Variants in HOMER1 observed in about 807,000 individuals in gnomAD.
The protein encoded by HOMER1 is homer protein homolog 1.
In HOMER1, 3 loss-of-function variants were observed where a neutral mutation model predicts 48.9. The observed-to-expected ratio is 0.06, with a 90% CI of 0.03 to 0.16. The LOEUF (loss-of-function observed/expected upper bound fraction) is 0.16, where lower values mean the gene tolerates loss of function less well. Ranked by LOEUF, HOMER1 falls within the 10% of genes least tolerant of loss-of-function variation. The pLI, the probability that HOMER1 is intolerant of heterozygous loss-of-function variation, is 1.00. For missense variants in HOMER1, 247 were observed against 411.4 expected (o/e 0.60, Z 3.46); for synonymous variants, 134 against 146.4 (o/e 0.92, Z 0.61).
Position 79,397,639 on chromosome 5 carries a change from TA to T in HOMER1, c.685-3del. 1 of 1,550,392 alleles carries T rather than the reference TA, an allele frequency of 6.4e-7. No homozygotes were observed. The highest frequency in any genetic ancestry group is 8.8e-7 in the Non-Finnish European group (1 of 1,130,110). ...ACTAACACATTCAAGTTCAGTCACC[TA>T]AAATTAAATGAGAACACAGATTAAC... On this transcript the variant is annotated splice_polypyrimidine_tract_variant and splice_region_variant and intron_variant, in intron 6 of 8. Transcript: ENST00000334082.
intron 5 of HOMER1, among the ~76,000 whole-genome samples, chr5:79,406,121 A>G (rs111632569): frequency 5.3e-5 from 8 of 152,218 alleles, no homozygotes; most frequent in African/African-American, 1.9e-4. Flanking sequence ...CTAGGTAGTT[A>G]TAACACCACA....
At chr5:79,461,928 G>A (rs1277388893) in intron 1 of HOMER1, among the ~76,000 whole-genome samples, 1 of 152,212 alleles carries the variant, frequency 6.6e-6, no homozygotes, top group Non-Finnish European at 1.5e-5. Flanking sequence ...GCCGGGCGCA[G>A]TGGCTCACGC....
chr5:79,497,662 G>GAAAAA (rs1212983044), intron 1 of HOMER1, among the ~76,000 whole-genome samples: 1 of 73,080 alleles, frequency 1.4e-5, no homozygotes, highest in Non-Finnish European at 2.9e-5. Flanking sequence ...CTGTCTCAAA[G>GAAAAA]AAAAAAAAAA....
intron 5 of HOMER1, among the ~76,000 whole-genome samples, chr5:79,413,200 A>G (rs1300185691): frequency 6.6e-6 from 1 of 151,834 alleles, no homozygotes; most frequent in Non-Finnish European, 1.5e-5. Flanking sequence ...GAGAAAAATA[A>G]GAGAAAGAGT....
intron 1 of HOMER1, among the ~76,000 whole-genome samples, chr5:79,462,819 C>A (rs1751350312): frequency 6.6e-6 from 1 of 152,136 alleles, no homozygotes; most frequent in Non-Finnish European, 1.5e-5. Flanking sequence ...ACCAGTAAAT[C>A]TTCATCCCAA....
At chr5:79,409,159 A>G (rs1246433173) in intron 5 of HOMER1, among the ~76,000 whole-genome samples, 2 of 147,932 alleles carry the variant, frequency 1.4e-5, no homozygotes, top group African/African-American at 5.0e-5. Context: ...ATGACCAGGC[A>G]TGGTGGCTCA....
rs1051788809 is a variant in HOMER1 at position 79,512,978 on chromosome 5, A to C, written c.-204T>G. ...CTCTTGTAAATACCAAAACGTTCAA[A>C]CAGAGGCGGCATTTGCTTATTCGAG... On this transcript the variant is annotated 5_prime_UTR_variant, in exon 1 of 9. Coordinates refer to ENST00000334082, the MANE Select transcript of HOMER1 (RefSeq NM_004272.5). 6.8e-6 allele frequency: 4 copies of C among 584,892 alleles called. No individual in the cohort carries two copies. In the African/African-American group the frequency reaches 7.6e-5, roughly 11 times the overall value. 36.2% of individuals were successfully genotyped at this position (584,892 alleles called of 1,614,324 possible).
intron 5 of HOMER1, among the ~76,000 whole-genome samples, chr5:79,425,596 T>G (rs1015668799): frequency 2.0e-5 from 3 of 152,080 alleles, no homozygotes; most frequent in African/African-American, 7.2e-5. Flanking sequence ...CCTTCCTCGC[T>G]ATGGAACCTA....
At chr5:79,407,838 A>G (rs1749707565) in intron 5 of HOMER1, among the ~76,000 whole-genome samples, 1 of 152,196 alleles carries the variant, frequency 6.6e-6, no homozygotes, top group Non-Finnish European at 1.5e-5. Context: ...CATATTATAC[A>G]TAGAGGAACA....
chr5:79,391,211 C>T (rs1749242210), intron 8 of HOMER1, among the ~76,000 whole-genome samples: 4 of 149,742 alleles, frequency 2.7e-5, no homozygotes, highest in African/African-American at 9.8e-5. Flanking sequence ...AATCACGGCT[C>T]ACCGCAACCT....
At chr5:79,397,003 T>C in intron 7 of HOMER1, 100 bp from the exon 8 acceptor site, 1 of 651,254 alleles carries the variant, frequency 1.5e-6, no homozygotes, top group Admixed American at 3.1e-5. Flanking sequence ...TAGAAAAAGA[T>C]GATTTTAAAA....
At chr5:79,459,754 C>T (rs924206169) in intron 1 of HOMER1, among the ~76,000 whole-genome samples, 1 of 152,106 alleles carries the variant, frequency 6.6e-6, no homozygotes, top group African/African-American at 2.4e-5. Flanking sequence ...CTCTTCACTA[C>T]GATAGATTCT....
chr5:79,465,655 C>T (rs1471963836), intron 1 of HOMER1, among the ~76,000 whole-genome samples: 1 of 122,650 alleles, frequency 8.2e-6, no homozygotes, highest in Non-Finnish European at 1.6e-5. Context: ...TGCAGTGGTG[C>T]AATCTTGGCT....
chr5:79,438,190 T>G (rs1750646266), intron 5 of HOMER1, among the ~76,000 whole-genome samples: 1 of 152,286 alleles, frequency 6.6e-6, no homozygotes. Flanking sequence ...AAAAGAAATG[T>G]TCAATGAAGG....
At chr5:79,494,824 G>A (rs1457483344) in intron 1 of HOMER1, among the ~76,000 whole-genome samples, 2 of 152,198 alleles carry the variant, frequency 1.3e-5, no homozygotes, top group East Asian at 1.9e-4. Flanking sequence ...AGGCAAGATC[G>A]TGCCATTGCA....
intron 1 of HOMER1, among the ~76,000 whole-genome samples, chr5:79,458,430 A>G (rs188954908): frequency 4.7e-4 from 71 of 152,152 alleles, no homozygotes; most frequent in Non-Finnish European, 9.4e-4. Flanking sequence ...GAAGAATTTT[A>G]AAATTTCTAA....
At chr5:79,493,798 T>G (rs1752351741) in intron 1 of HOMER1, among the ~76,000 whole-genome samples, 1 of 152,222 alleles carries the variant, frequency 6.6e-6, no homozygotes, top group Non-Finnish European at 1.5e-5. Context: ...AATCCCATTC[T>G]GTAAACAAAA....
At chr5:79,475,355 C>T (rs149308557) in intron 1 of HOMER1, among the ~76,000 whole-genome samples, 5 of 150,880 alleles carry the variant, frequency 3.3e-5, no homozygotes, top group East Asian at 2.0e-4. Context: ...CCTGACAGTT[C>T]GTCGCTGTCA....
intron 3 of HOMER1, among the ~76,000 whole-genome samples, chr5:79,448,194 C>G (rs964490771): frequency 1.3e-5 from 2 of 152,146 alleles, no homozygotes; most frequent in Non-Finnish European, 2.9e-5. Context: ...CTATACTTCT[C>G]CAATTGAACA....
Sources: gnomAD v4.1 joint callset for allele counts (sites outside exome capture counted in the v4.1 genomes callset) on GRCh38, gnomAD v4.1.1 for gene constraint, MANE v1.5 for transcripts, NCBI Gene and HGNC (gene_info 2026-07-23, HGNC 2026-07-21) for gene names.